Variants in ATP11A observed in about 807,000 individuals in gnomAD.
ATP11A encodes phospholipid-transporting ATPase IH.
A neutral mutation model predicts 154.4 loss-of-function variants in ATP11A; 81 were observed. That is an observed-to-expected ratio of 0.52 (90% confidence interval 0.44 to 0.63). ATP11A has a LOEUF of 0.63. ATP11A is among the 30% of genes least tolerant of loss of function. The pLI is 0.00. For synonymous variants in ATP11A, 623 were observed against 585.9 expected, an observed-to-expected ratio of 1.06 and a Z score of -0.91; for missense variants, 1,316 against 1,474.3, an observed-to-expected ratio of 0.89 and a Z score of 1.76.
Position 112,806,281 on chromosome 13 carries a change from G to A in ATP11A, c.321G>A (p.Thr107=), listed in dbSNP as rs560486738. 49 of 1,612,490 alleles carry A rather than the reference G, an allele frequency of 3.0e-5. No homozygotes were observed. Among genetic ancestry groups the A allele is most frequent in the Middle Eastern group, 1.7e-4 (1 of 6,058 alleles). Residue 107 remains threonine (T), a synonymous_variant, in exon 4 of 30, where the codon ACG becomes ACA. Coordinates refer to ENST00000375645, the MANE Select transcript of ATP11A (RefSeq NM_015205.3). The part of the protein sequence containing the change: ...GLPLFFVITV[T]AIKQGYEDWL... The stretch of plus-strand genomic sequence containing the variant: ...CACTCTTCTTTGTCATTACTGTGAC[G>A]GCTATCAAACAGGTAAGCATTTTAC...
intron 1 of ATP11A, among the ~76,000 whole-genome samples, chr13:112,777,610 A>G (rs1420667550): frequency 6.6e-6 from 1 of 152,216 alleles, no homozygotes; most frequent in Non-Finnish European, 1.5e-5. Flanking sequence ...GGAGCCACAG[A>G]GGCTGCCCAG....
intron 8 of ATP11A, among the ~76,000 whole-genome samples, chr13:112,821,815 C>G (rs895858301): frequency 6.6e-6 from 1 of 152,186 alleles, no homozygotes; most frequent in African/African-American, 2.4e-5. Flanking sequence ...CCCTGAGTCA[C>G]TTTTTAAAAA....
chr13:112,881,773 T>TG, intron 29 of ATP11A, 103 bp from the exon 30 acceptor site: 1 of 1,357,022 alleles, frequency 7.4e-7, no homozygotes, highest in Non-Finnish European at 9.9e-7. Context: ...GGCAGCCCCG[T>TG]GGGTATCCCT....
chr13:112,702,345 C>A (rs1261431778), intron 1 of ATP11A, among the ~76,000 whole-genome samples: 174 of 121,660 alleles, frequency 1.4e-3, no homozygotes, highest in Non-Finnish European at 1.5e-3. Context: ...GATTCTGTCT[C>A]AAAAAAAAAA....
intron 15 of ATP11A, among the ~76,000 whole-genome samples, 180 bp downstream of exon 15, chr13:112,834,840 A>C (rs2140262902): frequency 6.6e-6 from 1 of 152,372 alleles, no homozygotes; most frequent in East Asian, 1.9e-4. Flanking sequence ...CTGGACACTT[A>C]GAGAAGGGCT....
At chr13:112,747,288 T>G (rs951162455) in intron 1 of ATP11A, 2 of 152,092 alleles carry the variant, frequency 1.3e-5, no homozygotes, top group African/African-American at 4.8e-5. Context: ...GAAAGAAAAG[T>G]AGGTATTGAA....
chr13:112,798,273 T>G (rs1055373851), intron 2 of ATP11A, among the ~76,000 whole-genome samples: 1 of 152,234 alleles, frequency 6.6e-6, no homozygotes, highest in Non-Finnish European at 1.5e-5. Context: ...GTGAAGGTAG[T>G]AAAATTAAAT....
chr13:112,724,890 G>C (rs1889646685), intron 1 of ATP11A, among the ~76,000 whole-genome samples: 1 of 152,204 alleles, frequency 6.6e-6, no homozygotes, highest in Non-Finnish European at 1.5e-5. Flanking sequence ...TCTGACCCAA[G>C]TGTTTCTGTT....
At chr13:112,820,586 G>A (rs2078773303) in intron 8 of ATP11A, among the ~76,000 whole-genome samples, 1 of 152,210 alleles carries the variant, frequency 6.6e-6, no homozygotes, top group African/African-American at 2.4e-5. Flanking sequence ...AGCCTCGGCT[G>A]AGAGCCAGCC....
intron 1 of ATP11A, among the ~76,000 whole-genome samples, chr13:112,735,521 G>A (rs1339769195): frequency 6.6e-6 from 1 of 152,210 alleles, no homozygotes; most frequent in African/African-American, 2.4e-5. Context: ...TACTTAGTAT[G>A]AATTCAGTGA....
rs910597187 is a variant in ATP11A, at chr13:112,746,856, C to T, written c.40-38279C>T. 2.0e-5 allele frequency: 3 copies of T among 152,032 alleles called. No homozygotes were observed. The highest frequency in any genetic ancestry group is 4.4e-5 in the Non-Finnish European group (3 of 68,014). The allele number at this position is 152,032 out of a possible 1,614,324, so 9.4% of individuals were successfully genotyped here. Reference sequence around the variant, plus strand: ...TACAGCTGTGAGCTGCTGTGCCTGGCCTCATTGTGGTTTTAATTTGAGCAC... The same window carrying T: ...TACAGCTGTGAGCTGCTGTGCCTGGTCTCATTGTGGTTTTAATTTGAGCAC... On this transcript the variant is annotated intron_variant, in intron 1 of 29. Transcript: ENST00000375645. The surrounding 1 kb of genome is among the most constrained non-coding windows in gnomAD (Gnocchi z 4.1).
At chr13:112,845,758 A>G (rs1411307263) in intron 17 of ATP11A, among the ~76,000 whole-genome samples, 1 of 118,242 alleles carries the variant, frequency 8.5e-6, no homozygotes. Flanking sequence ...TAACCAGTCC[A>G]GTTGCCGGCA....
In ATP11A at chr13:112,884,962, A is replaced by G. The variant is rs960798124; in HGVS notation, c.*3096A>G. On this transcript the variant is annotated 3_prime_UTR_variant, in exon 30 of 30. Transcript: ENST00000375645. ...CACGCTCACTCATAGCCATGTCCAC[A>G]TGGGGGCTTGCACACAGGATCACTC... 3 of 152,438 alleles carry G rather than the reference A, an allele frequency of 2.0e-5. No individual in the cohort carries two copies. The highest frequency in any genetic ancestry group is 7.2e-5 in the African/African-American group (3 of 41,464). The allele number at this position is 152,438 out of a possible 1,614,324, so 9.4% of individuals were successfully genotyped here. A position where few individuals can be genotyped will look rare whatever the true frequency, so the allele number is the denominator to read the frequency against.
intron 1 of ATP11A, among the ~76,000 whole-genome samples, chr13:112,765,054 C>G (rs985541221): frequency 6.6e-6 from 1 of 152,300 alleles, no homozygotes; most frequent in East Asian, 1.9e-4. Flanking sequence ...GGCACCTGCT[C>G]CTTAGCTGCT....
At chr13:112,851,009 G>A (rs750757911) in intron 17 of ATP11A, 28 bp from the exon 18 acceptor site, 19 of 1,604,052 alleles carry the variant, frequency 1.2e-5, no homozygotes, top group East Asian at 2.2e-5. Flanking sequence ...CCTTGAATTC[G>A]TGCTAAACGC....
chr13:112,751,783 G>A (rs112998706), intron 1 of ATP11A, among the ~76,000 whole-genome samples: 258 of 151,656 alleles, frequency 1.7e-3, no homozygotes, highest in African/African-American at 6.0e-3. Context: ...AGGCTGGAGT[G>A]CAGTGCTGTG....
At chr13:112,770,712 C>T (rs2139942416) in intron 1 of ATP11A, among the ~76,000 whole-genome samples, 1 of 152,348 alleles carries the variant, frequency 6.6e-6, no homozygotes, top group African/African-American at 2.4e-5. Context: ...GGCCAGGGTG[C>T]CCCTGGGAGC....
At chr13:112,734,786 G>A (rs1028023625) in intron 1 of ATP11A, among the ~76,000 whole-genome samples, 8 of 152,190 alleles carry the variant, frequency 5.3e-5, no homozygotes, top group South Asian at 2.1e-4. Context: ...ACTTGGGGGG[G>A]ATCACTATGG....
In ATP11A at chr13:112,862,922, C is replaced by T. The variant is rs111908468; in HGVS notation, c.2991+347C>T. 7.8e-3 allele frequency among the ~76,000 whole-genome samples: 1,118 copies of T among 143,582 alleles called. 4 individuals are homozygous for T. The highest frequency in any genetic ancestry group is 0.027 in the African/African-American group (994 of 37,226). The allele number at this position is 143,582 out of a possible 152,430, so 94.2% of individuals were successfully genotyped here. On this transcript the variant is annotated intron_variant, in intron 25 of 29. Coordinates refer to ENST00000375645, the MANE Select transcript of ATP11A (RefSeq NM_015205.3). The stretch of plus-strand genomic sequence containing the variant: ...TCCCAGCGGGGTCCATCACCACCTG[C>T]GCAGTAATTCAGTGCAGGCCACGCA...
Sources: gnomAD v4.1 joint callset for allele counts (sites outside exome capture counted in the v4.1 genomes callset) on GRCh38, gnomAD v4.1.1 for gene constraint, Gnocchi (gnomAD v3.1) non-coding constraint, MANE v1.5 for transcripts, NCBI Gene and HGNC (gene_info 2026-07-23, HGNC 2026-07-21) for gene names.